POU1F1: variants seen among roughly 807,000 people sequenced by gnomAD.
The protein encoded by POU1F1 is POU class 1 homeobox 1.
POU1F1 carries 23 observed loss-of-function variants against 32.3 expected under a neutral mutation model. The ratio of observed to expected loss-of-function variants is 0.71; its 90% CI spans 0.51 to 1.01. The LOEUF (loss-of-function observed/expected upper bound fraction) is 1.01. Among genes scored for constraint, POU1F1 ranks in the 50% least tolerant of loss-of-function variants. The pLI is 0.00. For missense variants in POU1F1, 323 were observed against 341.6 expected (o/e 0.95, Z 0.43); for synonymous variants, 120 against 115.6 (o/e 1.04, Z -0.25).
In POU1F1 at chr3:87,273,412, C is replaced by G. The variant is rs776267174; in HGVS notation, c.149G>C (p.Gly50Ala). 8.1e-6 allele frequency: 13 copies of G among 1,611,320 alleles called. No homozygotes were observed. Among genetic ancestry groups the G allele is most frequent in the Non-Finnish European group, 1.1e-5 (13 of 1,178,330 alleles). ...HATNVMSTATGLHYSVPSCHY... is the reference protein window; with the variant it reads ...HATNVMSTATALHYSVPSCHY... ...ACAGGAAGGAACAGAATAATGAAGT[C>G]CTGTTGCTGTGTTTCCCAACGTTGT... Residue 50 changes from glycine to alanine, a missense_variant, in exon 2 of 6, where the codon GGA (glycine) becomes GCA (alanine). Physicochemically the swap from Gly to Ala is moderately conservative, Grantham distance 60. Transcript: ENST00000350375.
intron 2 of POU1F1, among the ~76,000 whole-genome samples, chr3:87,270,643 G>A (rs1013200958): frequency 1.1e-4 from 17 of 152,068 alleles, no homozygotes; most frequent in Admixed American, 1.3e-4. Flanking sequence ...ACACCGTGTC[G>A]TTGTTGTTGT....
chr3:87,262,306 A>T (rs1338007887), intron 3 of POU1F1, 71 bp from the exon 4 acceptor site: 1 of 1,540,862 alleles, frequency 6.5e-7, no homozygotes, highest in Non-Finnish European at 9.0e-7. Flanking sequence ...ATTGTCACAC[A>T]AATCTGTGTA....
rs781336944 is a variant in POU1F1 at position 87,259,860 on chromosome 3, C to T, written c.*34G>A. 2.0e-5 allele frequency: 31 copies of T among 1,553,644 alleles called. No individual in the cohort carries two copies. Among genetic ancestry groups the T allele is most frequent in the African/African-American group, 1.9e-4 (14 of 73,446 alleles). ...TGTTGAGGAAGAGAAAGGAATGAAA[C>T]GGGAGAAAAAGGCTATTATACAATA... On this transcript the variant is annotated 3_prime_UTR_variant, in exon 6 of 6. Transcript: ENST00000350375.
At chr3:87,263,994 T>A (rs952696972) in intron 3 of POU1F1, among the ~76,000 whole-genome samples, 1 of 151,992 alleles carries the variant, frequency 6.6e-6, no homozygotes, top group South Asian at 2.1e-4. Flanking sequence ...ATCATATAAA[T>A]GTATGGCCTA....
At chr3:87,271,865 A>G (rs1263680957) in intron 2 of POU1F1, among the ~76,000 whole-genome samples, 13 of 152,180 alleles carry the variant, frequency 8.5e-5, no homozygotes, top group Non-Finnish European at 4.4e-5. Flanking sequence ...TCATTTAACC[A>G]TAAATGTTAG....
intron 1 of POU1F1, chr3:87,273,639 T>A: frequency 1.3e-6 from 1 of 748,060 alleles, no homozygotes; most frequent in Non-Finnish European, 2.1e-6. Flanking sequence ...CTAGGGGGGA[T>A]CAAAGTTTGT....
chr3:87,274,011 C>T (rs1207021011), intron 1 of POU1F1, among the ~76,000 whole-genome samples: 1 of 152,146 alleles, frequency 6.6e-6, no homozygotes, highest in Non-Finnish European at 1.5e-5. Context: ...TCACTGCATT[C>T]AGAGTGCTAT....
intron 1 of POU1F1, among the ~76,000 whole-genome samples, chr3:87,273,945 A>T (rs1706777023): frequency 6.6e-6 from 1 of 152,216 alleles, no homozygotes. Flanking sequence ...AATTTGTTTC[A>T]TCAAAGTGGA....
chr3:87,268,240 G>C (rs965226390), intron 2 of POU1F1, among the ~76,000 whole-genome samples: 7 of 150,456 alleles, frequency 4.7e-5, no homozygotes, highest in African/African-American at 1.5e-4. Flanking sequence ...CACCACACCC[G>C]GCTAATTTTT....
At chr3:87,264,752 G>C (rs1706585522) in intron 2 of POU1F1, among the ~76,000 whole-genome samples, 1 of 152,132 alleles carries the variant, frequency 6.6e-6, no homozygotes, top group Non-Finnish European at 1.5e-5. Context: ...AAGGAAAGAA[G>C]CAGGGGACTG....
intron 2 of POU1F1, among the ~76,000 whole-genome samples, chr3:87,272,393 C>T (rs537798317): frequency 8.5e-5 from 13 of 152,232 alleles, no homozygotes; most frequent in East Asian, 5.8e-4. Context: ...CATGCTGGTG[C>T]GCTGCACCCA....
intron 2 of POU1F1, among the ~76,000 whole-genome samples, chr3:87,269,899 G>A (rs1308637117): frequency 6.6e-6 from 1 of 152,116 alleles, no homozygotes; most frequent in Non-Finnish European, 1.5e-5. Flanking sequence ...TTATTACAGT[G>A]AGGTTGATTT....
Position 87,260,027 on chromosome 3 carries a change from G to A in POU1F1, c.743C>T (p.Ala248Val), listed in dbSNP as rs1706478046. The A allele has an allele frequency of 1.9e-6, 3 of 1,613,978 alleles. No homozygotes were observed. Among genetic ancestry groups the A allele is most frequent in the Non-Finnish European group, 8.5e-7 (1 of 1,179,974 alleles). ...TTCTTTCTCCAGATTCAGTTCTTCA[G>A]CCATCCTCATGATCTCTTGAGAAGA... ...KPSSQEIMRM[A>V]EELNLEKEVV... Residue 248 changes from alanine to valine, a missense_variant, in exon 6 of 6, where the codon GCT becomes GTT. By Grantham distance (64) the Ala-to-Val change is moderately conservative. Coordinates refer to ENST00000350375, the MANE Select transcript of POU1F1 (RefSeq NM_000306.4).
intron 4 of POU1F1, 83 bp from the exon 5 acceptor site, chr3:87,261,416 T>A (rs1291181030): frequency 1.8e-6 from 2 of 1,097,000 alleles, no homozygotes; most frequent in Admixed American, 4.9e-5. Context: ...TCAAATTTTC[T>A]TCATAAAACA....
chr3:87,273,625 A>G (rs1706767692), intron 1 of POU1F1: 17 of 868,724 alleles, frequency 2.0e-5, no homozygotes, highest in Non-Finnish European at 2.9e-5. Context: ...CGAGTAGGTT[A>G]AAACTAGGGG....
rs766696797 is a variant in POU1F1, at chr3:87,276,343, A to G, written c.120T>C (p.His40=). Residue 40 remains histidine (H), a synonymous_variant, in exon 1 of 6, where the codon CAT becomes CAC. Transcript: ENST00000350375. ...TACCTGTAGACATCACATTGGTGGC[A>G]TGGTTGGAGACTGGTAGACACTCGG... ...SAAECLPVSN[H]ATNVMSTATG... 23 of 1,614,034 alleles carry G rather than the reference A, an allele frequency of 1.4e-5. No individual in the cohort carries two copies. The Admixed American group carries it at 1.5e-4, about 11-fold the overall frequency.
intron 5 of POU1F1, among the ~76,000 whole-genome samples, chr3:87,260,971 C>T (rs1209790862): frequency 4.0e-5 from 6 of 151,106 alleles, no homozygotes; most frequent in African/African-American, 1.2e-4. Flanking sequence ...AGTGCAGTGG[C>T]GCAAGCTCGG....
intron 2 of POU1F1, among the ~76,000 whole-genome samples, chr3:87,266,139 G>C (rs1407167034): frequency 6.7e-6 from 1 of 148,760 alleles, no homozygotes; most frequent in African/African-American, 2.4e-5. Flanking sequence ...AATATATAAT[G>C]AGCAAAGAAT....
Position 87,264,388 on chromosome 3 carries a change from C to T in POU1F1, c.339G>A (p.Arg113=). ...TTGGCTCTTCCACCAATTTACTTTT[C>T]CGCCTGAGTTCCTGCTTGAAATCAG... The part of the protein sequence containing the change: ...TAADFKQELR[R]KSKLVEEPID... The change falls in exon 3 of 6, where the codon CGG becomes CGA. Residue 113 remains arginine (R), a synonymous_variant. Transcript: ENST00000350375. The T allele has an allele frequency of 1.2e-6, 2 of 1,613,882 alleles. No individual in the cohort carries two copies. Among genetic ancestry groups the T allele is most frequent in the South Asian group, 2.2e-5 (2 of 91,070 alleles).
Sources: allele counts gnomAD v4.1 joint callset (sites outside exome capture counted in the v4.1 genomes callset), GRCh38; gene constraint gnomAD v4.1.1; transcripts MANE v1.5; gene names NCBI Gene and HGNC (gene_info 2026-07-23, HGNC 2026-07-21).